Variants in NFXL1 observed in about 807,000 individuals in gnomAD.
NFXL1 encodes nuclear transcription factor, X-box binding like 1.
In NFXL1, 66 loss-of-function variants were observed where a neutral mutation model predicts 123.3. The ratio of observed to expected loss-of-function variants is 0.54; its 90% CI spans 0.44 to 0.66. The LOEUF is 0.66. NFXL1 is among the 30% of genes least tolerant of loss of function. NFXL1 has a pLI of 0.00. For missense variants in NFXL1, 944 were observed against 1,125.6 expected (o/e 0.84, Z 2.31); for synonymous variants, 346 against 360.8 (o/e 0.96, Z 0.46).
intron 22 of NFXL1, among the ~76,000 whole-genome samples, chr4:47,850,017 G>A (rs1156331332): frequency 6.6e-6 from 1 of 151,520 alleles, no homozygotes; most frequent in Non-Finnish European, 1.5e-5. Context: ...ATTCACAGAT[G>A]CAGAACCTAC....
At chr4:47,893,528 C>T (rs1009018589) in intron 11 of NFXL1, among the ~76,000 whole-genome samples, 1 of 151,920 alleles carries the variant, frequency 6.6e-6, no homozygotes, top group Admixed American at 6.6e-5. Flanking sequence ...AAAATGCAAG[C>T]TAAAAGATAG....
intron 20 of NFXL1, among the ~76,000 whole-genome samples, chr4:47,853,442 G>GATCT (rs1734233162): frequency 1.3e-5 from 2 of 151,806 alleles, no homozygotes; most frequent in Admixed American, 6.6e-5. Context: ...TTACAGATGA[G>GATCT]GAAACAAGGT....
intron 2 of NFXL1, 105 bp from the exon 3 acceptor site, chr4:47,911,099 G>T: frequency 1.6e-6 from 1 of 623,010 alleles, no homozygotes; most frequent in Non-Finnish European, 2.6e-6. Context: ...AGTCACCTTT[G>T]GAGCATTCTA....
chr4:47,911,663 T>C (rs4695307), intron 2 of NFXL1, among the ~76,000 whole-genome samples: 11,614 of 152,318 alleles, frequency 0.076, 676 homozygotes, highest in East Asian at 0.31. Context: ...TCCAACTTCA[T>C]TCCAAAAAGA....
At chr4:47,892,491 A>G (rs562018912) in intron 11 of NFXL1, among the ~76,000 whole-genome samples, 1 of 152,306 alleles carries the variant, frequency 6.6e-6, no homozygotes, top group Admixed American at 6.5e-5. Flanking sequence ...CTGAGAAAGA[A>G]CCACTGGAAG....
Position 47,898,762 on chromosome 4 carries a change from C to T in NFXL1, c.1084G>A (p.Asp362Asn), listed in dbSNP as rs2110099185. Reference sequence around the variant, plus strand: ...CAAAATGCATATAAACTTACTTGATCACAGTGCCATAGTGGACTTGCACAA... The same window carrying T: ...CAAAATGCATATAAACTTACTTGATTACAGTGCCATAGTGGACTTGCACAA... ...RSCASPLWHC[D>N]QVCGKTLPCG... The change falls in exon 8 of 23, where the codon GAT (aspartate) becomes AAT (asparagine). Residue 362 changes from aspartate (D) to asparagine (N), a missense_variant. This residue lies in a region of NFXL1 where 296 missense variants were observed against 395.1 expected (regional missense o/e 0.75). Transcript: ENST00000507489. 1.9e-6 allele frequency: 3 copies of T among 1,560,738 alleles called. No homozygotes were observed. Among genetic ancestry groups the T allele is most frequent in the Non-Finnish European group, 1.8e-6 (2 of 1,131,690 alleles).
At chr4:47,859,230 T>C (rs1299947886) in intron 19 of NFXL1, among the ~76,000 whole-genome samples, 1 of 152,210 alleles carries the variant, frequency 6.6e-6, no homozygotes, top group Admixed American at 6.5e-5. Flanking sequence ...AACAACACTG[T>C]CTGCATCAAA....
chr4:47,852,482 T>C (rs954759926), intron 20 of NFXL1, among the ~76,000 whole-genome samples: 4 of 152,174 alleles, frequency 2.6e-5, no homozygotes, highest in African/African-American at 9.6e-5. Flanking sequence ...ATGTGACTAG[T>C]GGCTACCATC....
rs1208419451 is a variant in NFXL1, at chr4:47,855,169, A to G, written c.2317-6T>C. ...CATCTATGACCACAAGGAAGCTAAA[A>G]TAAAATCAAAATAAAGCAATTACAT... On this transcript the variant is annotated splice_polypyrimidine_tract_variant and splice_region_variant and intron_variant, in intron 19 of 22. Coordinates refer to ENST00000507489, the MANE Select transcript of NFXL1 (RefSeq NM_001278624.2). 1.3e-6 allele frequency: 2 copies of G among 1,522,942 alleles called. No homozygotes were observed. The highest frequency in any genetic ancestry group is 2.8e-5 in the African/African-American group (2 of 72,130). The allele number at this position is 1,522,942 out of a possible 1,614,324, so 94.3% of individuals were successfully genotyped here.
intron 18 of NFXL1, among the ~76,000 whole-genome samples, chr4:47,865,378 G>A (rs1187075344): frequency 6.6e-6 from 1 of 151,574 alleles, no homozygotes; most frequent in East Asian, 1.9e-4. Flanking sequence ...ATATCCACAT[G>A]TCCCCCTCAA....
chr4:47,889,083 G>A (rs531296826), intron 12 of NFXL1, among the ~76,000 whole-genome samples: 100 of 152,242 alleles, frequency 6.6e-4, no homozygotes, highest in African/African-American at 2.3e-3. Context: ...CTCTTTATCA[G>A]GTTAAGGATA....
At chr4:47,889,817 T>C (rs901775886) in intron 12 of NFXL1, among the ~76,000 whole-genome samples, 3 of 152,290 alleles carry the variant, frequency 2.0e-5, no homozygotes, top group African/African-American at 7.2e-5. Context: ...TGAGACCCTT[T>C]CAGGAGGTCT....
chr4:47,877,165 CA>C, intron 17 of NFXL1: 1 of 471,686 alleles, frequency 2.1e-6, no homozygotes, highest in East Asian at 6.9e-5. Flanking sequence ...GAATCATGGA[CA>C]AATCACAGAG....
intron 10 of NFXL1, among the ~76,000 whole-genome samples, chr4:47,894,801 C>T (rs1340616667): frequency 6.6e-6 from 1 of 152,050 alleles, no homozygotes; most frequent in Non-Finnish European, 1.5e-5. Flanking sequence ...GATATTTTGA[C>T]CTACTCTCGT....
chr4:47,894,780 C>T lies in NFXL1; in HGVS notation c.1330-478G>A, dbSNP rs140348393. On this transcript the variant is annotated intron_variant, in intron 10 of 22. Transcript: ENST00000507489. The stretch of plus-strand genomic sequence containing the variant: ...GCTGGGATCAACTTCTTATGAACTC[C>T]AGTTAATGTTGATATTTTGACCTAC... Among the ~76,000 whole-genome samples, 6 of 152,206 alleles carry T rather than the reference C, an allele frequency of 3.9e-5. No individual in the cohort carries two copies. The East Asian group carries it at 1.2e-3, about 29-fold the overall frequency.
rs565045894 is a variant in NFXL1, at chr4:47,848,246, G to T, written c.2653C>A (p.Gln885Lys). ...GAAATGAGATAATATTTATGTTTTT[G>T]CCATAGTGATAGCTCAACTGCCACT... ...DEVAVELSLW[Q>K]KHKYYLISVC... Residue 885 changes from glutamine to lysine, a missense_variant, in exon 23 of 23, where the codon CAA (glutamine) becomes AAA (lysine). This residue lies in a region of NFXL1 where 301 missense variants were observed against 348.0 expected (regional missense o/e 0.86). Transcript: ENST00000507489. The T allele has an allele frequency of 7.4e-6, 12 of 1,612,502 alleles. No homozygotes were observed. In the South Asian group the frequency reaches 1.3e-4, roughly 18 times the overall value.
intron 3 of NFXL1, among the ~76,000 whole-genome samples, chr4:47,908,247 C>CT (rs1491462755): frequency 6.6e-6 from 1 of 152,108 alleles, no homozygotes; most frequent in Non-Finnish European, 1.5e-5. Flanking sequence ...CAGGAAAACA[C>CT]TGTCTCTACA....
Position 47,871,097 on chromosome 4 carries a change from A to G in NFXL1, c.2246+4030T>C, listed in dbSNP as rs902437494. 3.3e-5 allele frequency among the ~76,000 whole-genome samples: 5 copies of G among 152,164 alleles called. No individual in the cohort carries two copies. The East Asian group carries it at 9.6e-4, about 29-fold the overall frequency. On this transcript the variant is annotated intron_variant, in intron 18 of 22. Transcript: ENST00000507489. ...AGTTTTTATTTGTTTTGTAAAATAC[A>G]CTTGGTTCTTTGGGAGGCCGAGGCG...
At position 47,914,225 on chromosome 4, in the gene NFXL1, A is replaced by C. The variant is rs1737997888; in HGVS notation, c.-2-20T>G. On this transcript the variant is annotated intron_variant, in intron 1 of 22. Transcript: ENST00000507489. ...CCATCCCTGCAAAGGAGAAAAAAAA[A>C]AAAAAGAGTGGAAGGAGGTGAGCGC... 6.9e-7 allele frequency: 1 copy of C among 1,453,364 alleles called. No individual in the cohort carries two copies. The highest frequency in any genetic ancestry group is 9.1e-7 in the Non-Finnish European group (1 of 1,101,196). The allele number at this position is 1,453,364 out of a possible 1,614,324, so 90.0% of individuals were successfully genotyped here.
Sources: allele counts gnomAD v4.1 joint callset (sites outside exome capture counted in the v4.1 genomes callset), GRCh38; gene constraint gnomAD v4.1.1; regional missense constraint gnomAD v4.1.1; transcripts MANE v1.5; gene names NCBI Gene and HGNC (gene_info 2026-07-23, HGNC 2026-07-21).